The following TRPA1 variants were observed in gnomAD, a reference collection of about 807,000 sequenced individuals.
The protein encoded by TRPA1 is transient receptor potential cation channel subfamily A member 1, also known as ankyrin-like with transmembrane domains 1.
In TRPA1, 129 loss-of-function variants were observed where a neutral mutation model predicts 131.3. That is an observed-to-expected ratio of 0.98 (90% confidence interval 0.85 to 1.14). The LOEUF (loss-of-function observed/expected upper bound fraction) is 1.14. TRPA1 is among the 50% of genes most tolerant of loss of function. TRPA1 has a pLI of 0.00. For synonymous variants in TRPA1, 441 were observed against 451.7 expected, an observed-to-expected ratio of 0.98 and a Z score of 0.30; for missense variants, 1,304 against 1,354.2, an observed-to-expected ratio of 0.96 and a Z score of 0.58.
intron 5 of TRPA1, among the ~76,000 whole-genome samples, chr8:72,063,247 GGCATGCAC>G (rs1203843457): frequency 2.0e-5 from 3 of 152,012 alleles, no homozygotes; most frequent in Non-Finnish European, 4.4e-5. Flanking sequence ...TGGGCATGGT[GGCATGCAC>G]CTATAGTCCT....
chr8:72,031,204 G>T (rs567530488), intron 23 of TRPA1, among the ~76,000 whole-genome samples: 92 of 152,298 alleles, frequency 6.0e-4, no homozygotes, highest in Non-Finnish European at 1.2e-3. Context: ...GGTTTCACTG[G>T]ACAGGATAAT....
At chr8:72,053,277 CTT>C (rs34289154) in intron 13 of TRPA1, 24 of 184,124 alleles carry the variant, frequency 1.3e-4, no homozygotes, top group East Asian at 2.8e-4. Flanking sequence ...CACTTAAAGA[CTT>C]TTTTTTTTTG....
At chr8:72,061,532 T>C (rs1805807134) in intron 7 of TRPA1, 93 bp downstream of exon 7, 1 of 1,480,344 alleles carries the variant, frequency 6.8e-7, no homozygotes, top group Non-Finnish European at 9.4e-7. Flanking sequence ...CACAAAATCT[T>C]TGCTAGCATT....
intron 15 of TRPA1, among the ~76,000 whole-genome samples, chr8:72,049,728 G>A (rs1423184302): frequency 1.3e-5 from 2 of 152,188 alleles, no homozygotes; most frequent in Non-Finnish European, 2.9e-5. Context: ...TAATGTAAAT[G>A]AAAGAACCAT....
intron 6 of TRPA1, 142 bp downstream of exon 6, chr8:72,062,657 G>T: frequency 3.4e-6 from 3 of 878,804 alleles, no homozygotes; most frequent in Non-Finnish European, 5.3e-6. Context: ...ATATTCTCTT[G>T]TTCTGCTTCT....
rs768353216 is a variant in TRPA1 at position 72,036,415 on chromosome 8, T to A, written c.2428A>T (p.Ile810Phe). The change falls in exon 21 of 27, where the codon ATT becomes TTT. Residue 810 changes from isoleucine to phenylalanine, a missense_variant. Transcript: ENST00000262209. ...FMDISNVLEW[I>F]IYTTGIIFVL... ...AAAATGATGCCCGTCGTGTAGATAA[T>A]CCATTCAAGAACATTGCTTATATCC... 28 of 1,613,830 alleles carry A rather than the reference T, an allele frequency of 1.7e-5. No individual in the cohort carries two copies. Among genetic ancestry groups the A allele is most frequent in the East Asian group, 6.7e-5 (3 of 44,856 alleles).
intron 23 of TRPA1, among the ~76,000 whole-genome samples, chr8:72,031,066 G>A (rs1811796164): frequency 6.6e-6 from 1 of 152,166 alleles, no homozygotes; most frequent in Non-Finnish European, 1.5e-5. Flanking sequence ...TCCACTGTAT[G>A]CCCAGTGCTT....
upstream of TRPA1, chr8:72,076,419 G>T (rs760420349): frequency 2.0e-5 from 3 of 152,024 alleles, no homozygotes; most frequent in African/African-American, 7.2e-5. Flanking sequence ...AACTGTTGCC[G>T]TAAGTTCAGG....
chr8:72,070,055 G>A (rs549053318), intron 2 of TRPA1, among the ~76,000 whole-genome samples: 61 of 152,256 alleles, frequency 4.0e-4, no homozygotes, highest in African/African-American at 1.4e-3. Flanking sequence ...CGTGAGCTCA[G>A]CATATAAGTA....
At chr8:72,029,395 T>C (rs36030489) in intron 24 of TRPA1, among the ~76,000 whole-genome samples, 13,833 of 152,260 alleles carry the variant, frequency 0.091, 724 homozygotes, top group Middle Eastern at 0.13. Flanking sequence ...CATTTTTTTG[T>C]ATCAACTTTG....
chr8:72,025,106 G>A (rs73687834), intron 25 of TRPA1, among the ~76,000 whole-genome samples: 4 of 43,548 alleles, frequency 9.2e-5, no homozygotes, highest in African/African-American at 2.0e-4. Flanking sequence ...GTGTGTGTTC[G>A]TGTGTGTGTG....
chr8:72,065,402 T>C, intron 4 of TRPA1, 49 bp downstream of exon 4: 1 of 1,344,940 alleles, frequency 7.4e-7, no homozygotes, highest in Non-Finnish European at 1.1e-6. Flanking sequence ...ATCCATGTTG[T>C]ATTCATGAAA....
intron 17 of TRPA1, among the ~76,000 whole-genome samples, chr8:72,042,717 T>C (rs1420996363): frequency 6.6e-6 from 1 of 151,924 alleles, no homozygotes; most frequent in Non-Finnish European, 1.5e-5. Context: ...AATGGAATAT[T>C]ATTCAGCCTT....
chr8:72,081,501 T>C, the TRPA1 span, among the ~76,000 whole-genome samples: 1 of 151,874 alleles, frequency 6.6e-6, no homozygotes, highest in Non-Finnish European at 1.5e-5. Flanking sequence ...TTTCTCAGTA[T>C]GTTATTGGGT....
At chr8:72,077,318 A>G (rs959424), upstream of TRPA1, among the ~76,000 whole-genome samples, 85,247 of 149,016 alleles carry the variant, frequency 0.57, 24,775 homozygotes, top group Admixed American at 0.66. Flanking sequence ...GGGCCAGTGC[A>G]GGGAACTCCA....
In TRPA1 at chr8:72,063,576, A is replaced by C; in HGVS notation, c.553-5T>G. The C allele has an allele frequency of 6.2e-7, 1 of 1,600,382 alleles. No individual in the cohort carries two copies. Among genetic ancestry groups the C allele is most frequent in the Non-Finnish European group, 8.6e-7 (1 of 1,168,138 alleles). On this transcript the variant is annotated splice_polypyrimidine_tract_variant and splice_region_variant and intron_variant, in intron 4 of 26. Transcript: ENST00000262209. The stretch of plus-strand genomic sequence containing the variant: ...TGGCTTAGCTCCTTTTTTAAGCTGG[A>C]AGAAAAGACAAAATGAAAAATGACA...
At position 72,062,709 on chromosome 8, in the gene TRPA1, A is replaced by G. The variant is rs184721501; in HGVS notation, c.807+90T>C. The G allele has an allele frequency of 3.9e-6, 5 of 1,291,318 alleles. No individual in the cohort carries two copies. In the African/African-American group the frequency reaches 4.4e-5, roughly 11 times the overall value. The allele number at this position is 1,291,318 out of a possible 1,614,324, so 80.0% of individuals were successfully genotyped here. A position where few individuals can be genotyped will look rare whatever the true frequency, so the allele number is the denominator to read the frequency against. ...ATATGTATTTCTTGTATGTATTTCA[A>G]TCTAAATTAACTGTAAAAGAGCTAT... On this transcript the variant is annotated intron_variant, in intron 6 of 26. Coordinates refer to ENST00000262209, the MANE Select transcript of TRPA1 (RefSeq NM_007332.3).
intron 21 of TRPA1, among the ~76,000 whole-genome samples, chr8:72,034,853 C>T (rs1417247291): frequency 6.6e-6 from 1 of 152,160 alleles, no homozygotes. Context: ...CTAATGTTAC[C>T]TTAAATCATT....
chr8:72,022,999 G>A lies in TRPA1; in HGVS notation c.3267C>T (p.Asp1089=), dbSNP rs779660540. The A allele has an allele frequency of 6.2e-6, 10 of 1,613,844 alleles. No individual in the cohort carries two copies. In the South Asian group the frequency reaches 6.6e-5, roughly 11 times the overall value. The change falls in exon 27 of 27, where the codon GAC becomes GAT. Residue 1089 remains aspartate, a synonymous_variant. Transcript: ENST00000262209. ...EDDDSHCSFQ[D]RFKKEQMEQR... is the part of the protein sequence containing the mutation. ...GTTCCATCTGCTCTTTCTTAAACCT[G>A]TCTTGAAAAGAACAATGGCTATCAT... is the stretch of plus-strand genomic sequence containing the variant.
Sources: gnomAD v4.1 joint callset for allele counts (sites outside exome capture counted in the v4.1 genomes callset) on GRCh38, gnomAD v4.1.1 for gene constraint, MANE v1.5 for transcripts, NCBI Gene and HGNC (gene_info 2026-07-23, HGNC 2026-07-21) for gene names.